PCDHGA1: variants seen among roughly 807,000 people sequenced by gnomAD.
The protein encoded by PCDHGA1 is protocadherin gamma-A1.
A neutral mutation model predicts 58.0 loss-of-function variants in PCDHGA1; 32 were observed. The observed-to-expected ratio is 0.55, with a 90% CI of 0.42 to 0.74. The LOEUF is 0.74. PCDHGA1 is among the 30% of genes least tolerant of loss of function. The probability of loss-of-function intolerance (pLI) is 0.00; values close to 1 mark genes in which losing one functional copy is unlikely to be tolerated. For missense variants in PCDHGA1, 1,205 were observed against 1,182.3 expected, an observed-to-expected ratio of 1.02 and a Z score of -0.28; for synonymous variants, 498 against 501.1, an observed-to-expected ratio of 0.99 and a Z score of 0.08.
rs1327201956 is a variant in PCDHGA1, at chr5:141,332,349, G to A, written c.1665G>A (p.Gln555=). 6.2e-7 allele frequency: 1 copy of A among 1,614,198 alleles called. No homozygotes were observed. The highest frequency in any genetic ancestry group is 8.5e-7 in the Non-Finnish European group (1 of 1,180,038). ...NVSLSLFLLD[Q]NDNAPEILYP... Reference sequence around the variant, plus strand: ...CTCTCAGCCTATTCCTGCTGGACCAGAACGACAACGCGCCCGAGATCCTGT... The same window carrying A: ...CTCTCAGCCTATTCCTGCTGGACCAAAACGACAACGCGCCCGAGATCCTGT... Residue 555 remains glutamine, a synonymous_variant, in exon 1 of 4, where the codon CAG becomes CAA. Coordinates refer to ENST00000517417, the MANE Select transcript of PCDHGA1 (RefSeq NM_018912.3). This position sits in a 1 kb window ranked among gnomAD's most constrained non-coding sequence, Gnocchi z 4.6.
Position 141,485,582 on chromosome 5 carries a change from C to G in PCDHGA1, c.2422-9225C>G. The G allele has an allele frequency of 6.2e-7, 1 of 1,612,374 alleles. No individual in the cohort carries two copies. Among genetic ancestry groups the G allele is most frequent in the South Asian group, 1.1e-5 (1 of 90,956 alleles). On this transcript the variant is annotated intron_variant, in intron 1 of 3. Transcript: ENST00000517417. The surrounding 1 kb of genome is among the most constrained non-coding windows in gnomAD (Gnocchi z 5.7). ...TCACGCCCCCCGTTTTCCGCGGCAG[C>G]AGCTGGACTTGGAAATTGGGGAGGC...
Position 141,347,135 on chromosome 5 carries a change from C to CTT in PCDHGA1, c.2421+14031_2421+14032insTT, listed in dbSNP as rs1158265707. Among the ~76,000 whole-genome samples the CTT allele has an allele frequency of 2.7e-4, 37 of 136,484 alleles. 1 individual carries two copies. In the South Asian group the frequency reaches 6.8e-3, roughly 25 times the overall value. The allele number at this position is 136,484 out of a possible 152,430, so 89.5% of individuals were successfully genotyped here. On this transcript the variant is annotated intron_variant, in intron 1 of 3. Coordinates refer to ENST00000517417, the MANE Select transcript of PCDHGA1 (RefSeq NM_018912.3). ...TCCTCCTTCCTTCCTTCCTCTGTTT[C>CTT]TCTCTTTCTTTCTTTCTTTCTTTCT... is the stretch of plus-strand genomic sequence containing the variant.
intron 1 of PCDHGA1, among the ~76,000 whole-genome samples, chr5:141,484,796 C>A (rs987893041): frequency 1.3e-5 from 2 of 151,304 alleles, no homozygotes; most frequent in African/African-American, 4.9e-5. Flanking sequence ...GATAACAACC[C>A]GTGGAAAAAC....
intron 1 of PCDHGA1, chr5:141,371,148 G>A: frequency 6.2e-7 from 1 of 1,614,010 alleles, no homozygotes; most frequent in Non-Finnish European, 8.5e-7. Flanking sequence ...GGTCAATGTT[G>A]CAGAGAACCT....
At chr5:141,357,667 A>C in intron 1 of PCDHGA1, 1 of 1,599,486 alleles carries the variant, frequency 6.3e-7, no homozygotes, top group South Asian at 1.1e-5. Context: ...AATATAGACA[A>C]AGAGTTGTGT....
chr5:141,415,270 G>A (rs1044469814), intron 1 of PCDHGA1: 1 of 1,614,118 alleles, frequency 6.2e-7, no homozygotes, highest in Non-Finnish European at 8.5e-7. Flanking sequence ...GTACCTGGTG[G>A]TAGCGGTGGC....
At chr5:141,365,161 G>C in intron 1 of PCDHGA1, 1 of 1,613,928 alleles carries the variant, frequency 6.2e-7, no homozygotes, top group Admixed American at 1.7e-5. Context: ...ACGGGAAATT[G>C]ACCTACTCTT....
At chr5:141,410,715 GTT>G (rs2154543204) in intron 1 of PCDHGA1, 19 of 1,422,782 alleles carry the variant, frequency 1.3e-5, no homozygotes, top group Non-Finnish European at 1.8e-5. Context: ...AGAATCATAT[GTT>G]TAAAATCCAT....
chr5:141,378,324 A>G (rs1774802625), intron 1 of PCDHGA1: 1 of 152,258 alleles, frequency 6.6e-6, no homozygotes, highest in African/African-American at 2.4e-5. Flanking sequence ...GGAGTTCGAG[A>G]CCAGCCTGAC....
chr5:141,374,050 T>C (rs1156255025), intron 1 of PCDHGA1: 1 of 1,475,134 alleles, frequency 6.8e-7, no homozygotes, highest in African/African-American at 1.4e-5. Flanking sequence ...TTCTTCCTCT[T>C]CTTAATCCCA....
chr5:141,428,197 G>A, intron 1 of PCDHGA1: 3 of 1,385,968 alleles, frequency 2.2e-6, no homozygotes, highest in Non-Finnish European at 3.0e-6. Context: ...CGCTCTCTGC[G>A]CCGCTACGCT....
At chr5:141,389,883 C>A in intron 1 of PCDHGA1, 1 of 1,614,084 alleles carries the variant, frequency 6.2e-7, no homozygotes. Context: ...CGACAGCTTG[C>A]AGGAGGTGCT....
chr5:141,449,528 G>C (rs1298713821), intron 1 of PCDHGA1, among the ~76,000 whole-genome samples: 1 of 149,040 alleles, frequency 6.7e-6, no homozygotes, highest in African/African-American at 2.5e-5. Context: ...GGCGGAGGTT[G>C]CAGTGAGCCG....
chr5:141,427,530 T>C (rs1302316196), intron 1 of PCDHGA1: 3 of 619,732 alleles, frequency 4.8e-6, no homozygotes, highest in Non-Finnish European at 9.0e-6. Context: ...GATCCCGGAG[T>C]ACAACGTCAC....
At chr5:141,405,035 G>C in intron 1 of PCDHGA1, 1 of 1,613,964 alleles carries the variant, frequency 6.2e-7, no homozygotes, top group South Asian at 1.1e-5. Context: ...CTACCTCGTT[G>C]TGGCTGTGGC....
At position 141,485,359 on chromosome 5, in the gene PCDHGA1, C is replaced by G. The variant is rs1233826208; in HGVS notation, c.2422-9448C>G. 6.2e-7 allele frequency: 1 copy of G among 1,614,026 alleles called. No individual in the cohort carries two copies. The highest frequency in any genetic ancestry group is 8.5e-7 in the Non-Finnish European group (1 of 1,180,018). On this transcript the variant is annotated intron_variant, in intron 1 of 3. Transcript: ENST00000517417. This position sits in a 1 kb window ranked among gnomAD's most constrained non-coding sequence, Gnocchi z 5.7. ...TGGATACGGACAGTCTGTCAGCTCG[C>G]AGGCTGCAGGTCGCTGGAGAGGTGA...
At chr5:141,368,486 A>G (rs1329429156) in intron 1 of PCDHGA1, among the ~76,000 whole-genome samples, 1 of 152,214 alleles carries the variant, frequency 6.6e-6, no homozygotes, top group African/African-American at 2.4e-5. Context: ...TAACAAGAGA[A>G]TCTATACAGT....
chr5:141,487,718 A>G lies in PCDHGA1; in HGVS notation c.2422-7089A>G. Reference sequence around the variant, plus strand: ...TACTGGCCTCTCAGTAAGTGCCCATAGTGATGTCACCATTTTTGTAAGAGG... The same window carrying G: ...TACTGGCCTCTCAGTAAGTGCCCATGGTGATGTCACCATTTTTGTAAGAGG... On this transcript the variant is annotated intron_variant, in intron 1 of 3. Coordinates refer to ENST00000517417, the MANE Select transcript of PCDHGA1 (RefSeq NM_018912.3). The surrounding 1 kb of genome is among the most constrained non-coding windows in gnomAD (Gnocchi z 5.0). The G allele has an allele frequency of 1.3e-6, 2 of 1,580,268 alleles. No individual in the cohort carries two copies. The highest frequency in any genetic ancestry group is 1.7e-6 in the Non-Finnish European group (2 of 1,161,186).
Position 141,424,520 on chromosome 5 carries a change from A to T in PCDHGA1, c.2422-70287A>T, listed in dbSNP as rs527395935. ...GTATGGAAGGTTTTTTAATGTAGTA[A>T]ATCCATATATAGAAATAACTTGATT... is the stretch of plus-strand genomic sequence containing the variant. On this transcript the variant is annotated intron_variant, in intron 1 of 3. Coordinates refer to ENST00000517417, the MANE Select transcript of PCDHGA1 (RefSeq NM_018912.3). 15 of 152,286 alleles carry T rather than the reference A, an allele frequency of 9.8e-5. No individual in the cohort carries two copies. In the East Asian group the frequency reaches 2.9e-3, roughly 29 times the overall value. The allele number at this position is 152,286 out of a possible 1,614,324, so 9.4% of individuals were successfully genotyped here. A position where few individuals can be genotyped will look rare whatever the true frequency, so the allele number is the denominator to read the frequency against.
Sources: allele counts gnomAD v4.1 joint callset (sites outside exome capture counted in the v4.1 genomes callset), GRCh38; gene constraint gnomAD v4.1.1; non-coding constraint Gnocchi (gnomAD v3.1); transcripts MANE v1.5; gene names NCBI Gene and HGNC (gene_info 2026-07-23, HGNC 2026-07-21).